RIPOR2: variants seen among roughly 807,000 people sequenced by gnomAD.
The protein encoded by RIPOR2 is rho family-interacting cell polarization regulator 2.
Under a neutral mutation model 114.5 loss-of-function variants are expected in RIPOR2, and 39 were observed. The observed-to-expected ratio is 0.34, with a 90% CI of 0.26 to 0.44. The LOEUF (loss-of-function observed/expected upper bound fraction) is 0.44, where lower values mean the gene tolerates loss of function less well. Among genes scored for constraint, RIPOR2 ranks in the 20% least tolerant of loss-of-function variants. RIPOR2 has a pLI of 1.00. For synonymous variants in RIPOR2, 445 were observed against 484.4 expected (o/e 0.92, Z 1.07); for missense variants, 1,007 against 1,255.1 (o/e 0.80, Z 2.99).
intron 1 of RIPOR2, among the ~76,000 whole-genome samples, chr6:24,912,068 GCAGC>G (rs1432267583): frequency 1.3e-5 from 2 of 152,206 alleles, no homozygotes; most frequent in East Asian, 3.8e-4. Flanking sequence ...TGGAATACAA[GCAGC>G]CAGAACCATC....
At chr6:24,839,884 A>G (rs1409830414) in intron 13 of RIPOR2, 13 of 1,099,474 alleles carry the variant, frequency 1.2e-5, no homozygotes, top group Non-Finnish European at 1.4e-5. Flanking sequence ...CAGAAACAGG[A>G]AGTGGTTCAA....
chr6:24,992,331 G>C (rs1159091170), intron 1 of RIPOR2, among the ~76,000 whole-genome samples: 1 of 152,048 alleles, frequency 6.6e-6, no homozygotes, highest in Non-Finnish European at 1.5e-5. Context: ...GTTCCAATAT[G>C]CACGAATTTG....
chr6:25,023,869 G>A (rs1220840640), intron 1 of RIPOR2: 1 of 726,244 alleles, frequency 1.4e-6, no homozygotes, highest in Non-Finnish European at 2.6e-6. Context: ...CTAGGTCTTC[G>A]TGTAGAGACC....
At chr6:25,033,090 G>T (rs984550092) in intron 1 of RIPOR2, among the ~76,000 whole-genome samples, 1 of 152,158 alleles carries the variant, frequency 6.6e-6, no homozygotes, top group Non-Finnish European at 1.5e-5. Flanking sequence ...TGTGGTCCCA[G>T]CTGCTTGGGA....
intron 1 of RIPOR2, among the ~76,000 whole-genome samples, chr6:24,973,443 A>G (rs973228350): frequency 1.3e-5 from 2 of 152,080 alleles, no homozygotes; most frequent in Admixed American, 6.5e-5. Flanking sequence ...TTCTACTAAA[A>G]ATACAAAAAA....
upstream of RIPOR2, among the ~76,000 whole-genome samples, chr6:24,938,802 G>C (rs534554951): frequency 6.6e-6 from 1 of 152,256 alleles, no homozygotes; most frequent in Non-Finnish European, 1.5e-5. Context: ...ACAGAGGATA[G>C]AAAACATGGT....
At chr6:24,928,020 C>T (rs1028155753) in intron 1 of RIPOR2, among the ~76,000 whole-genome samples, 4 of 152,200 alleles carry the variant, frequency 2.6e-5, no homozygotes, top group Admixed American at 1.3e-4. Context: ...TGATTTTTTA[C>T]TCAGATTGTA....
At chr6:24,865,230 C>T (rs1764469530) in intron 7 of RIPOR2, 71 bp downstream of exon 7, 2 of 1,363,818 alleles carry the variant, frequency 1.5e-6, no homozygotes, top group East Asian at 2.5e-5. Flanking sequence ...TTGCCTTGTT[C>T]TTGGCAATTA....
In RIPOR2 at chr6:24,818,381, T is replaced by A. The variant is rs182176694; in HGVS notation, c.2952+161A>T. On this transcript the variant is annotated intron_variant, in intron 20 of 21. Coordinates refer to ENST00000643898, the MANE Select transcript of RIPOR2 (RefSeq NM_001286445.3). ...ACAAAACAAAGTCACATGTAATTACTGTTTAAGGGAGAAAAATACTAAAAC... is the reference window on the plus strand; with the variant it reads ...ACAAAACAAAGTCACATGTAATTACAGTTTAAGGGAGAAAAATACTAAAAC... 2.0e-5 allele frequency among the ~76,000 whole-genome samples: 3 copies of A among 152,334 alleles called. No individual in the cohort carries two copies. The East Asian group carries it at 5.8e-4, about 29-fold the overall frequency.
In RIPOR2 at chr6:24,842,895, G is replaced by A; in HGVS notation, c.1824C>T (p.Asn608=). Residue 608 remains asparagine, a synonymous_variant, in exon 13 of 22, where the codon AAC becomes AAT. Coordinates refer to ENST00000643898, the MANE Select transcript of RIPOR2 (RefSeq NM_001286445.3). ...KEQYKEFQDL[N]QEVMNLDDIL... ...TATCATCCAAATTCATGACTTCTTG[G>A]TTCAGATCCTGAAACTCTTTATACT... 6.8e-7 allele frequency: 1 copy of A among 1,463,032 alleles called. No homozygotes were observed. The highest frequency in any genetic ancestry group is 9.1e-7 in the Non-Finnish European group (1 of 1,103,398). 90.6% of individuals were successfully genotyped at this position (1,463,032 alleles called of 1,614,324 possible).
chr6:24,959,555 T>C (rs607603), intron 1 of RIPOR2, among the ~76,000 whole-genome samples: 120,964 of 152,058 alleles, frequency 0.8, 51,645 homozygotes, highest in East Asian at 0.96. Flanking sequence ...TAAAGACAGC[T>C]GCAGGCTGTT....
intron 1 of RIPOR2, among the ~76,000 whole-genome samples, chr6:24,968,060 G>A (rs1040271627): frequency 1.3e-5 from 2 of 151,766 alleles, no homozygotes; most frequent in African/African-American, 4.8e-5. Flanking sequence ...TTACAGGCAC[G>A]TGTCACCACA....
intron 1 of RIPOR2, among the ~76,000 whole-genome samples, chr6:24,879,908 AATTTTTG>A (rs1287659088): frequency 1.7e-4 from 26 of 152,264 alleles, no homozygotes; most frequent in African/African-American, 5.5e-4. Context: ...CTACCTCTAA[AATTTTTG>A]GGTTTTAAAG....
At chr6:24,930,973 A>G (rs762332147) in intron 1 of RIPOR2, among the ~76,000 whole-genome samples, 43 of 152,268 alleles carry the variant, frequency 2.8e-4, no homozygotes, top group Admixed American at 9.2e-4. Context: ...AAAATCTCCA[A>G]TCCTCTCTAG....
chr6:24,915,044 T>C (rs1417988927), intron 1 of RIPOR2, among the ~76,000 whole-genome samples: 2 of 152,252 alleles, frequency 1.3e-5, no homozygotes, highest in Non-Finnish European at 2.9e-5. Flanking sequence ...ATTTGGCTTC[T>C]ATTCTTACAG....
chr6:24,942,714 T>C (rs545847773), intron 1 of RIPOR2, among the ~76,000 whole-genome samples: 4 of 152,378 alleles, frequency 2.6e-5, no homozygotes, highest in Admixed American at 2.0e-4. Context: ...ATGTCTTCTT[T>C]TGAGAAGTGT....
intron 14 of RIPOR2, 94 bp downstream of exon 14, chr6:24,838,997 G>A (rs2113709728): frequency 9.5e-7 from 1 of 1,053,010 alleles, no homozygotes; most frequent in Admixed American, 2.7e-5. Context: ...TTATCTTCCT[G>A]GAAATGTGTA....
At chr6:24,872,825 AAGCTATT>A (rs1765330550) in intron 4 of RIPOR2, 49 bp downstream of exon 4, 1 of 1,175,378 alleles carries the variant, frequency 8.5e-7, no homozygotes, top group Non-Finnish European at 1.3e-6. Flanking sequence ...CCAGTAAAAG[AAGCTATT>A]TGGCTAAAAA....
chr6:24,843,146 C>T lies in RIPOR2; in HGVS notation c.1573G>A (p.Glu525Lys). Residue 525 changes from glutamate (E) to lysine (K), a missense_variant, in exon 13 of 22, where the codon GAG (glutamate) becomes AAG (lysine). Coordinates refer to ENST00000643898, the MANE Select transcript of RIPOR2 (RefSeq NM_001286445.3). The stretch of plus-strand genomic sequence containing the variant: ...ACAGGCTTGAGCTCAGAGGCCTCCT[C>T]AGACTCTTGCAGAAGTGCTTCTGCA... Reference protein sequence around the residue: ...DVAEALLQESEEASELKPVEL... With the variant: ...DVAEALLQESKEASELKPVEL... 1 of 1,614,014 alleles carries T rather than the reference C, an allele frequency of 6.2e-7. No homozygotes were observed. The highest frequency in any genetic ancestry group is 8.5e-7 in the Non-Finnish European group (1 of 1,179,892).
Sources: allele counts gnomAD v4.1 joint callset (sites outside exome capture counted in the v4.1 genomes callset), GRCh38; gene constraint gnomAD v4.1.1; transcripts MANE v1.5; gene names NCBI Gene and HGNC (gene_info 2026-07-23, HGNC 2026-07-21).